Variants in SORCS2 observed in about 807,000 individuals in gnomAD.
SORCS2 encodes VPS10 domain-containing receptor SorCS2.
A neutral mutation model predicts 141.6 loss-of-function variants in SORCS2; 100 were observed. The ratio of observed to expected loss-of-function variants is 0.71; its 90% CI spans 0.60 to 0.83. The LOEUF is 0.83. SORCS2 is among the 40% of genes least tolerant of loss of function. SORCS2 has a pLI of 0.00. For missense variants in SORCS2, 1,646 were observed against 1,560.2 expected, an observed-to-expected ratio of 1.05 and a Z score of -0.93; for synonymous variants, 789 against 676.9, an observed-to-expected ratio of 1.17 and a Z score of -2.57.
Position 7,294,266 on chromosome 4 carries a change from A to G in SORCS2, c.480+101140A>G, listed in dbSNP as rs140095507. ...CTGTGGGCAGATTTGGGGTGGGGCA[A>G]TTTCTAATAGAGGGTAAAACTGGGG... is the stretch of plus-strand genomic sequence containing the variant. On this transcript the variant is annotated intron_variant, in intron 1 of 26. Coordinates refer to ENST00000507866, the MANE Select transcript of SORCS2 (RefSeq NM_020777.3). 2.2e-3 allele frequency among the ~76,000 whole-genome samples: 334 copies of G among 152,244 alleles called. 2 individuals carry two copies. The highest frequency in any genetic ancestry group is 7.3e-3 in the African/African-American group (303 of 41,536).
intron 1 of SORCS2, among the ~76,000 whole-genome samples, chr4:7,388,414 C>T (rs1723621188): frequency 6.6e-6 from 1 of 152,106 alleles, no homozygotes; most frequent in South Asian, 2.1e-4. Context: ...GAAATGGAGG[C>T]TTTGAAAGGA....
At chr4:7,668,944 G>A (rs1427481075) in intron 8 of SORCS2, among the ~76,000 whole-genome samples, 1 of 152,136 alleles carries the variant, frequency 6.6e-6, no homozygotes. Context: ...GGGTAGCTGG[G>A]CCAGCAGTCA....
chr4:7,469,628 C>T (rs1300515655), intron 2 of SORCS2, among the ~76,000 whole-genome samples: 2 of 152,200 alleles, frequency 1.3e-5, no homozygotes, highest in African/African-American at 4.8e-5. Context: ...CCAGTCCTAG[C>T]TGCACATGAG....
intron 14 of SORCS2, among the ~76,000 whole-genome samples, chr4:7,706,764 T>C (rs1725494864): frequency 6.7e-6 from 1 of 150,048 alleles, no homozygotes; most frequent in South Asian, 2.1e-4. Flanking sequence ...GGGCTCTGCC[T>C]GGACAGAGAT....
At chr4:7,254,111 A>G (rs144135759) in intron 1 of SORCS2, among the ~76,000 whole-genome samples, 69 of 152,340 alleles carry the variant, frequency 4.5e-4, no homozygotes, top group African/African-American at 1.6e-3. Context: ...GGAAAACAGT[A>G]TGGGGATTTC....
intron 2 of SORCS2, among the ~76,000 whole-genome samples, chr4:7,508,701 C>T (rs576458142): frequency 9.9e-5 from 15 of 152,120 alleles, no homozygotes; most frequent in African/African-American, 2.7e-4. Flanking sequence ...ACAGTGCATG[C>T]GTTTGATTAT....
At chr4:7,294,174 TG>T (rs1188930078) in intron 1 of SORCS2, among the ~76,000 whole-genome samples, 1 of 152,138 alleles carries the variant, frequency 6.6e-6, no homozygotes, top group Non-Finnish European at 1.5e-5. Context: ...TACGCACCGG[TG>T]ATGCCTGGCA....
At chr4:7,456,831 C>T (rs559278982) in intron 2 of SORCS2, among the ~76,000 whole-genome samples, 49 of 152,188 alleles carry the variant, frequency 3.2e-4, no homozygotes, top group African/African-American at 1.1e-3. Flanking sequence ...GGATCACAGG[C>T]TTTGGGGCCT....
At chr4:7,311,450 A>G (rs943293743) in intron 1 of SORCS2, among the ~76,000 whole-genome samples, 1 of 152,202 alleles carries the variant, frequency 6.6e-6, no homozygotes, top group African/African-American at 2.4e-5. Flanking sequence ...GGAATGGCTG[A>G]ATCATCTCCG....
chr4:7,403,997 A>ATATT (rs1265288820), intron 2 of SORCS2, among the ~76,000 whole-genome samples: 21 of 18,948 alleles, frequency 1.1e-3, no homozygotes, highest in African/African-American at 2.6e-3. Flanking sequence ...ATATATATAT[A>ATATT]TTTTTTTTTT....
intron 4 of SORCS2, among the ~76,000 whole-genome samples, chr4:7,642,250 C>T (rs1176966940): frequency 6.6e-6 from 1 of 152,234 alleles, no homozygotes; most frequent in Non-Finnish European, 1.5e-5. Context: ...TTGCTCCTGG[C>T]CCCTTCCTTG....
intron 2 of SORCS2, among the ~76,000 whole-genome samples, chr4:7,398,129 CTTAGT>C (rs768972277): frequency 2.6e-5 from 4 of 151,784 alleles, no homozygotes; most frequent in Non-Finnish European, 5.9e-5. Flanking sequence ...GAGTTGCCGG[CTTAGT>C]TTACGTTTGC....
intron 2 of SORCS2, among the ~76,000 whole-genome samples, chr4:7,466,796 C>T (rs150723732): frequency 3.1e-4 from 47 of 152,276 alleles, no homozygotes; most frequent in Non-Finnish European, 4.0e-4. Flanking sequence ...GTTCCAGAAT[C>T]GGCCCAGGGG....
intron 15 of SORCS2, among the ~76,000 whole-genome samples, chr4:7,713,759 T>A (rs889518426): frequency 5.3e-5 from 8 of 152,114 alleles, no homozygotes; most frequent in African/African-American, 1.4e-4. Flanking sequence ...CAGATGGGCC[T>A]AGGAGGAGGT....
chr4:7,592,930 A>G (rs1190057419), intron 3 of SORCS2, among the ~76,000 whole-genome samples: 3 of 152,216 alleles, frequency 2.0e-5, no homozygotes, highest in African/African-American at 7.2e-5. Context: ...GGTGCATGCT[A>G]TGGAGGTGCT....
chr4:7,313,684 G>A (rs763329826), intron 1 of SORCS2, among the ~76,000 whole-genome samples: 82 of 152,302 alleles, frequency 5.4e-4, no homozygotes, highest in South Asian at 1.7e-3. Context: ...CCGCACTGCC[G>A]GCTTCACTGC....
intron 2 of SORCS2, among the ~76,000 whole-genome samples, chr4:7,523,664 A>G (rs10937832): frequency 0.49 from 75,080 of 151,892 alleles, 20,231 homozygotes; most frequent in East Asian, 0.81. Context: ...CATCCATCAC[A>G]CTGACCCTGC....
chr4:7,545,822 C>T (rs540065166), intron 3 of SORCS2, among the ~76,000 whole-genome samples: 4 of 152,198 alleles, frequency 2.6e-5, no homozygotes, highest in Non-Finnish European at 2.9e-5. Flanking sequence ...TCCGTCAGCT[C>T]GGATGGCTCT....
chr4:7,392,349 C>T (rs536696845), intron 1 of SORCS2, among the ~76,000 whole-genome samples: 43 of 152,160 alleles, frequency 2.8e-4, no homozygotes, highest in South Asian at 4.1e-4. Context: ...GGGGAGCCCC[C>T]GGACATCAGG....
Sources: allele counts gnomAD v4.1 joint callset (sites outside exome capture counted in the v4.1 genomes callset), GRCh38; gene constraint gnomAD v4.1.1; transcripts MANE v1.5; gene names NCBI Gene and HGNC (gene_info 2026-07-23, HGNC 2026-07-21).